KIAA1217: variants seen among roughly 807,000 people sequenced by gnomAD.
KIAA1217 encodes sickle tail protein homolog.
A neutral mutation model predicts 163.9 loss-of-function variants in KIAA1217; 88 were observed. That is an observed-to-expected ratio of 0.54 (90% CI 0.45 to 0.64). The LOEUF is 0.64. KIAA1217 is among the 30% of genes least tolerant of loss of function. The pLI is 0.00. For missense variants in KIAA1217, 2,372 were observed against 2,475.0 expected (o/e 0.96, Z 0.88); for synonymous variants, 903 against 923.1 (o/e 0.98, Z 0.39).
upstream of KIAA1217, chr10:24,208,938 G>C: frequency 2.7e-6 from 1 of 366,850 alleles, no homozygotes; most frequent in Non-Finnish European, 5.0e-6. Context: ...CGCGCCTGAG[G>C]ACGGACGGAC....
At chr10:23,769,444 C>G (rs1215572322) in intron 1 of KIAA1217, among the ~76,000 whole-genome samples, 1 of 152,206 alleles carries the variant, frequency 6.6e-6, no homozygotes, top group Admixed American at 6.5e-5. Flanking sequence ...TTCATGACTC[C>G]TAAACCATAA....
In KIAA1217 at chr10:23,906,056, G is replaced by A. The variant is rs1263636935; in HGVS notation, c.-320-101169G>A. 2.6e-5 allele frequency among the ~76,000 whole-genome samples: 4 copies of A among 152,040 alleles called. No homozygotes were observed. In the East Asian group the frequency reaches 5.8e-4, roughly 22 times the overall value. The stretch of plus-strand genomic sequence containing the variant: ...CTTGTTGCTGGTTCCTCACATGTTG[G>A]AGGATGGAAAAGCAAAAGGGCCCAG... On this transcript the variant is annotated intron_variant, in intron 1 of 18. Coordinates refer to the KIAA1217 transcript ENST00000376462.
At chr10:23,993,610 C>T (rs1846327141) in intron 1 of KIAA1217, among the ~76,000 whole-genome samples, 1 of 122,034 alleles carries the variant, frequency 8.2e-6, no homozygotes, top group African/African-American at 3.4e-5. Context: ...GACTGGAGTG[C>T]AGTGGCATGA....
intron 1 of KIAA1217, among the ~76,000 whole-genome samples, chr10:23,980,785 G>C (rs1415016978): frequency 6.6e-6 from 1 of 152,102 alleles, no homozygotes; most frequent in Non-Finnish European, 1.5e-5. Flanking sequence ...ATTCCGTTCA[G>C]CTCAATCTGT....
chr10:24,545,873 C>A lies in KIAA1217; in HGVS notation c.5381C>A (p.Ser1794Tyr). The A allele has an allele frequency of 6.2e-7, 1 of 1,612,270 alleles. No homozygotes were observed. Among genetic ancestry groups the A allele is most frequent in the Non-Finnish European group, 8.5e-7 (1 of 1,179,218 alleles). The part of the protein sequence containing the change: ...KKSGGDFKPT[S>Y]PSLPASKIPA... Reference sequence around the variant, plus strand: ...TCTGGTGGGGACTTTAAGCCTACTTCCCCCTCCTTACCTGCTTCTAAGATT... The same window carrying A: ...TCTGGTGGGGACTTTAAGCCTACTTACCCCTCCTTACCTGCTTCTAAGATT... Residue 1794 changes from serine (S) to tyrosine (Y), a missense_variant, in exon 21 of 21, where the codon TCC (serine) becomes TAC (tyrosine). By Grantham distance (144) the Ser-to-Tyr change is moderately radical. Around this residue, in one of 3 missense-constraint regions of KIAA1217, gnomAD observed 690 missense variants for 677.5 expected, o/e 1.02. Transcript: ENST00000376454.
chr10:24,397,827 G>A (rs550948169), intron 3 of KIAA1217, among the ~76,000 whole-genome samples: 2 of 152,282 alleles, frequency 1.3e-5, no homozygotes, highest in South Asian at 4.2e-4. Flanking sequence ...ATTCACACCT[G>A]TAGCTACAGC....
At chr10:24,073,620 T>G (rs2061266842) in intron 2 of KIAA1217, among the ~76,000 whole-genome samples, 1 of 152,196 alleles carries the variant, frequency 6.6e-6, no homozygotes, top group Admixed American at 6.5e-5. Flanking sequence ...GAGACAGCGA[T>G]GCACTGGAGC....
intron 1 of KIAA1217, among the ~76,000 whole-genome samples, chr10:23,767,832 A>G (rs982391898): frequency 2.6e-5 from 4 of 152,194 alleles, no homozygotes; most frequent in African/African-American, 9.7e-5. Context: ...GGAATAATCA[A>G]GTAAGCATCC....
chr10:24,344,294 T>A (rs1288540006), intron 2 of KIAA1217, among the ~76,000 whole-genome samples: 1 of 152,228 alleles, frequency 6.6e-6, no homozygotes. Context: ...CTACTGTACC[T>A]ACTCACACAC....
chr10:24,433,573 T>C (rs569176468), intron 4 of KIAA1217, among the ~76,000 whole-genome samples: 20 of 152,272 alleles, frequency 1.3e-4, no homozygotes, highest in African/African-American at 4.6e-4. Flanking sequence ...TTAGAAATGA[T>C]TCAGTCCACC....
chr10:23,823,606 G>A (rs941990661), intron 1 of KIAA1217, among the ~76,000 whole-genome samples: 1 of 152,100 alleles, frequency 6.6e-6, no homozygotes, highest in Non-Finnish European at 1.5e-5. Context: ...TAGGTTCCAG[G>A]GATTAGGGCG....
chr10:24,245,655 A>G (rs980526758), intron 2 of KIAA1217, among the ~76,000 whole-genome samples: 6 of 151,896 alleles, frequency 4.0e-5, no homozygotes, highest in African/African-American at 9.7e-5. Flanking sequence ...TTTCCGAGAC[A>G]AGGTCTCTCT....
intron 6 of KIAA1217, among the ~76,000 whole-genome samples, chr10:24,493,563 C>A (rs539407096): frequency 6.6e-6 from 1 of 152,244 alleles, no homozygotes; most frequent in East Asian, 1.9e-4. Context: ...ATTTCAAATG[C>A]CAGCTAAACT....
intron 5 of KIAA1217, chr10:24,449,656 C>T (rs903489810): frequency 3.0e-6 from 3 of 985,268 alleles, no homozygotes; most frequent in Non-Finnish European, 3.6e-6. Context: ...TGCATTTAGT[C>T]ACCATGAAGA....
At chr10:24,433,528 C>T (rs2059769315) in intron 4 of KIAA1217, among the ~76,000 whole-genome samples, 1 of 150,798 alleles carries the variant, frequency 6.6e-6, no homozygotes, top group South Asian at 2.1e-4. Context: ...AATTTCTCCG[C>T]CACAGATTTT....
chr10:23,810,220 G>C (rs1005676576), intron 1 of KIAA1217, among the ~76,000 whole-genome samples: 1 of 150,348 alleles, frequency 6.7e-6, no homozygotes, highest in South Asian at 2.1e-4. Flanking sequence ...TCATCTATCT[G>C]TCTGTCTATC....
rs966070839 is a variant in KIAA1217, at chr10:24,484,191, ATT to A, written c.1679+10132_1679+10133del. On this transcript the variant is annotated intron_variant, in intron 6 of 20. Coordinates refer to ENST00000376454, the MANE Select transcript of KIAA1217 (RefSeq NM_019590.5). ...TATATATATATAGATATACATATAT[ATT>A]GATATACATATATATAGATAGATAG... Among the ~76,000 whole-genome samples, 11 of 142,652 alleles carry A rather than the reference ATT, an allele frequency of 7.7e-5. No homozygotes were observed. In the South Asian group the frequency reaches 1.1e-3, roughly 15 times the overall value. The allele number at this position is 142,652 out of a possible 152,430, so 93.6% of individuals were successfully genotyped here.
At chr10:24,356,799 T>C (rs2049170401) in intron 2 of KIAA1217, among the ~76,000 whole-genome samples, 2 of 152,216 alleles carry the variant, frequency 1.3e-5, no homozygotes, top group African/African-American at 4.8e-5. Flanking sequence ...ACTTCCAGCA[T>C]CCAGAACCAT....
chr10:24,366,872 A>G (rs974453747), intron 2 of KIAA1217, among the ~76,000 whole-genome samples: 2 of 152,244 alleles, frequency 1.3e-5, no homozygotes, highest in Admixed American at 1.3e-4. Context: ...TACAAGGTGA[A>G]TTCAGAAGCG....
Sources: allele counts gnomAD v4.1 joint callset (sites outside exome capture counted in the v4.1 genomes callset), GRCh38; gene constraint gnomAD v4.1.1; regional missense constraint gnomAD v4.1.1; transcripts MANE v1.5; gene names NCBI Gene and HGNC (gene_info 2026-07-23, HGNC 2026-07-21).